Variants in EPHB1 observed in about 807,000 individuals in gnomAD.
The protein encoded by EPHB1 is EPH receptor B1.
A neutral mutation model predicts 94.4 loss-of-function variants in EPHB1; 30 were observed. The ratio of observed to expected loss-of-function variants is 0.32; its 90% CI spans 0.24 to 0.43. The LOEUF (loss-of-function observed/expected upper bound fraction) is 0.43. Among genes scored for constraint, EPHB1 ranks in the 20% least tolerant of loss-of-function variants. EPHB1 has a pLI of 1.00. For missense variants in EPHB1, 1,055 were observed against 1,308.3 expected, an observed-to-expected ratio of 0.81 and a Z score of 2.99; for synonymous variants, 522 against 489.1, an observed-to-expected ratio of 1.07 and a Z score of -0.89.
intron 2 of EPHB1, among the ~76,000 whole-genome samples, chr3:134,927,892 G>A (rs1379764887): frequency 3.3e-5 from 5 of 152,198 alleles, no homozygotes; most frequent in Non-Finnish European, 2.9e-5. Flanking sequence ...TTACAGTGAC[G>A]AGTGGGAGGG....
At chr3:134,845,434 C>T (rs1317401336) in intron 1 of EPHB1, among the ~76,000 whole-genome samples, 3 of 152,212 alleles carry the variant, frequency 2.0e-5, no homozygotes, top group Non-Finnish European at 4.4e-5. Context: ...TGGAGAAACA[C>T]ATCTAGTGGC....
rs548202289 is a variant in EPHB1, at chr3:135,248,005, G to A, written c.2497-311G>A. ...TGGGCCCTATGTCTTCTTAAAGAGC[G>A]GAGATGCTCAAGCTGTTCACTGGCT... is the stretch of plus-strand genomic sequence containing the variant. On this transcript the variant is annotated intron_variant, in intron 13 of 15. Coordinates refer to ENST00000398015, the MANE Select transcript of EPHB1 (RefSeq NM_004441.5). Among the ~76,000 whole-genome samples the A allele has an allele frequency of 6.6e-5, 10 of 152,282 alleles. No homozygotes were observed. In the South Asian group the frequency reaches 8.3e-4, roughly 13 times the overall value.
intron 1 of EPHB1, among the ~76,000 whole-genome samples, chr3:134,874,205 T>A (rs1315070760): frequency 6.6e-6 from 1 of 152,246 alleles, no homozygotes; most frequent in Non-Finnish European, 1.5e-5. Flanking sequence ...AATGAGATCA[T>A]GTCCTTTGTA....
chr3:134,802,354 A>G lies in EPHB1; in HGVS notation c.58+6665A>G, dbSNP rs571992064. ...GAGCGAGACTCTGTCTCACGAAAAA[A>G]AAAAAAAAAGAAGCAGGGGCTGACA... is the stretch of plus-strand genomic sequence containing the variant. On this transcript the variant is annotated intron_variant, in intron 1 of 15. Coordinates refer to ENST00000398015, the MANE Select transcript of EPHB1 (RefSeq NM_004441.5). Among the ~76,000 whole-genome samples, 3 of 152,144 alleles carry G rather than the reference A, an allele frequency of 2.0e-5. No individual in the cohort carries two copies. In the South Asian group the frequency reaches 6.2e-4, roughly 32 times the overall value.
chr3:135,062,891 T>C (rs1475943315), intron 3 of EPHB1, among the ~76,000 whole-genome samples: 1 of 152,168 alleles, frequency 6.6e-6, no homozygotes, highest in Non-Finnish European at 1.5e-5. Context: ...TCCAGCTTCA[T>C]TCTCCTATAT....
chr3:134,925,874 G>A lies in EPHB1; in HGVS notation c.117G>A (p.Ala39=), dbSNP rs762148161. The change falls in exon 2 of 16, where the codon GCG becomes GCA. Residue 39 remains alanine (A), a synonymous_variant. Transcript: ENST00000398015. Reference sequence around the variant, plus strand: ...AGCTGGGCTGGACGGCCAATCCTGCGTCCGGGGTGAGTATCAAACCATTCG... The same window carrying A: ...AGCTGGGCTGGACGGCCAATCCTGCATCCGGGGTGAGTATCAAACCATTCG... ...TAELGWTANP[A]SGWEEVSGYD... 39 of 1,602,730 alleles carry A rather than the reference G, an allele frequency of 2.4e-5. No homozygotes were observed. The highest frequency in any genetic ancestry group is 8.0e-5 in the African/African-American group (6 of 74,638).
Position 135,137,891 on chromosome 3 carries a change from G to A in EPHB1, c.1297+4842G>A, listed in dbSNP as rs371569024. Among the ~76,000 whole-genome samples, 14 of 152,316 alleles carry A rather than the reference G, an allele frequency of 9.2e-5. No homozygotes were observed. The East Asian group carries it at 2.5e-3, about 27-fold the overall frequency. On this transcript the variant is annotated intron_variant, in intron 5 of 15. Coordinates refer to ENST00000398015, the MANE Select transcript of EPHB1 (RefSeq NM_004441.5). Reference sequence around the variant, plus strand: ...TGTTATCTGTATCAGATACATAACAGATATTGGTTTCTCCAGTCTGTGCTG... The same window carrying A: ...TGTTATCTGTATCAGATACATAACAAATATTGGTTTCTCCAGTCTGTGCTG...
intron 11 of EPHB1, among the ~76,000 whole-genome samples, 197 bp downstream of exon 11, chr3:135,193,020 C>A (rs1942499907): frequency 6.6e-6 from 1 of 152,070 alleles, no homozygotes; most frequent in Admixed American, 6.6e-5. Context: ...AGGAGGATGG[C>A]ATGGAGTAGG....
chr3:135,126,364 A>T (rs545381459), intron 4 of EPHB1, among the ~76,000 whole-genome samples: 2 of 152,110 alleles, frequency 1.3e-5, no homozygotes, highest in African/African-American at 4.8e-5. Flanking sequence ...CTTTCACCTA[A>T]AGAGAGAAAG....
intron 12 of EPHB1, among the ~76,000 whole-genome samples, chr3:135,237,323 A>G (rs923409350): frequency 6.6e-6 from 1 of 151,746 alleles, no homozygotes; most frequent in Non-Finnish European, 1.5e-5. Flanking sequence ...GACAGACACA[A>G]AATCTTAAAT....
At chr3:135,239,391 G>A (rs1943727523) in intron 12 of EPHB1, among the ~76,000 whole-genome samples, 1 of 152,150 alleles carries the variant, frequency 6.6e-6, no homozygotes. Context: ...TGTAAGAATG[G>A]GCAGTATAAA....
At chr3:134,829,406 A>C (rs548405468) in intron 1 of EPHB1, among the ~76,000 whole-genome samples, 41 of 152,128 alleles carry the variant, frequency 2.7e-4, no homozygotes, top group Non-Finnish European at 5.3e-4. Flanking sequence ...GGAGAAGGCA[A>C]CTCAGTACCT....
At chr3:135,073,440 C>T (rs1254056342) in intron 3 of EPHB1, among the ~76,000 whole-genome samples, 1 of 152,186 alleles carries the variant, frequency 6.6e-6, no homozygotes, top group East Asian at 1.9e-4. Flanking sequence ...CAACAATTGT[C>T]AAACCAAGAC....
chr3:135,120,432 C>G (rs1939903290), intron 4 of EPHB1, among the ~76,000 whole-genome samples: 1 of 152,200 alleles, frequency 6.6e-6, no homozygotes, highest in East Asian at 1.9e-4. Context: ...GAATAGTGAG[C>G]TTTCTTCTGC....
chr3:134,935,184 C>T (rs2038978359), intron 2 of EPHB1, among the ~76,000 whole-genome samples: 1 of 152,136 alleles, frequency 6.6e-6, no homozygotes, highest in South Asian at 2.1e-4. Context: ...TCAGCATTGC[C>T]CTGACAGCCT....
At chr3:135,201,415 C>T in intron 11 of EPHB1, 59 bp from the exon 12 acceptor site, 12 of 1,562,068 alleles carry the variant, frequency 7.7e-6, no homozygotes, top group Middle Eastern at 1.8e-4. Flanking sequence ...CAACATCTCT[C>T]CCTCTGCTTA....
intron 3 of EPHB1, among the ~76,000 whole-genome samples, chr3:134,976,167 A>T (rs1438799224): frequency 3.3e-5 from 5 of 152,176 alleles, no homozygotes; most frequent in Non-Finnish European, 7.4e-5. Flanking sequence ...GCAGCCATTA[A>T]CTGGGACTGC....
At chr3:134,996,612 T>G (rs1365612291) in intron 3 of EPHB1, among the ~76,000 whole-genome samples, 1 of 152,182 alleles carries the variant, frequency 6.6e-6, no homozygotes, top group African/African-American at 2.4e-5. Context: ...GATGAGCCCT[T>G]CATATCCCAG....
intron 12 of EPHB1, among the ~76,000 whole-genome samples, chr3:135,214,514 C>T (rs1943098749): frequency 6.6e-6 from 1 of 152,154 alleles, no homozygotes; most frequent in Non-Finnish European, 1.5e-5. Flanking sequence ...CCTGAACCTG[C>T]TGGAGGAAGC....
Sources: allele counts gnomAD v4.1 joint callset (sites outside exome capture counted in the v4.1 genomes callset), GRCh38; gene constraint gnomAD v4.1.1; transcripts MANE v1.5; gene names NCBI Gene and HGNC (gene_info 2026-07-23, HGNC 2026-07-21).